The following RICTOR variants were observed in gnomAD, a reference collection of about 807,000 sequenced individuals.
RICTOR encodes the protein rapamycin-insensitive companion of mTOR.
A neutral mutation model predicts 214.9 loss-of-function variants in RICTOR; 49 were observed. The observed-to-expected ratio is 0.23, with a 90% CI of 0.18 to 0.29. The LOEUF is 0.29. Among genes scored for constraint, RICTOR ranks in the 10% least tolerant of loss-of-function variants. The pLI is 1.00. For missense variants in RICTOR, 1,625 were observed against 2,047.0 expected, an observed-to-expected ratio of 0.79 and a Z score of 3.98; for synonymous variants, 717 against 711.3, an observed-to-expected ratio of 1.01 and a Z score of -0.13.
intron 2 of RICTOR, among the ~76,000 whole-genome samples, chr5:39,069,904 C>G (rs534402420): frequency 1.6e-4 from 25 of 152,306 alleles, no homozygotes; most frequent in East Asian, 5.8e-4. Context: ...ACCCACCAGA[C>G]AGTTAATCAT....
rs1216617992 is a variant in RICTOR at position 39,003,581 on chromosome 5, A to G, written c.237T>C (p.Phe79=). 4 of 1,609,360 alleles carry G rather than the reference A, an allele frequency of 2.5e-6. No individual in the cohort carries two copies. The highest frequency in any genetic ancestry group is 3.3e-5 in the Admixed American group (2 of 59,894). The part of the protein sequence containing the change: ...DIGHSEEKLG[F]HYEDIIICLR... ...ACCAAATTATGATATCCTCATAGTG[A>G]AAGCCCAGTTTTTCTTCACTGTGGC... The change falls in exon 4 of 38, where the codon TTT becomes TTC. Residue 79 remains phenylalanine, a synonymous_variant. Coordinates refer to ENST00000357387, the MANE Select transcript of RICTOR (RefSeq NM_152756.5).
In RICTOR at chr5:38,946,217, AG is replaced by A. The variant is rs557727466; in HGVS notation, c.4399+250del. Among the ~76,000 whole-genome samples the A allele has an allele frequency of 2.4e-4, 37 of 152,364 alleles. 1 individual carries two copies. In the East Asian group the frequency reaches 7.1e-3, roughly 29 times the overall value. ...TGTTCATGTGCTACTTTTAAAAAACAGAAACAACTAATTTGGTTTCTATTTC... is the reference window on the plus strand; with the variant it reads ...TGTTCATGTGCTACTTTTAAAAAACAAAACAACTAATTTGGTTTCTATTTC... On this transcript the variant is annotated intron_variant, in intron 33 of 37. Transcript: ENST00000357387.
chr5:38,990,681 T>TAG (rs1752610665), intron 7 of RICTOR, among the ~76,000 whole-genome samples: 1 of 102,974 alleles, frequency 9.7e-6, no homozygotes, highest in Non-Finnish European at 2.0e-5. Flanking sequence ...ATATCAGATA[T>TAG]ATCATATATA....
chr5:38,963,651 CAAGTA>C (rs1288449245), intron 16 of RICTOR, among the ~76,000 whole-genome samples: 1 of 151,842 alleles, frequency 6.6e-6, no homozygotes, highest in Non-Finnish European at 1.5e-5. Context: ...TGCTGACTGG[CAAGTA>C]TTTATCAATA....
chr5:39,035,629 G>C (rs183998307), intron 2 of RICTOR, among the ~76,000 whole-genome samples: 1 of 152,306 alleles, frequency 6.6e-6, no homozygotes, highest in East Asian at 1.9e-4. Flanking sequence ...GTCCTTAAAG[G>C]ACCCGATGGA....
chr5:39,000,654 A>G (rs1753545764), intron 5 of RICTOR, among the ~76,000 whole-genome samples: 2 of 152,002 alleles, frequency 1.3e-5, no homozygotes, highest in Non-Finnish European at 2.9e-5. Context: ...AGGTAAGAAA[A>G]AGATAAAGAT....
chr5:39,036,384 A>G (rs1391825734), intron 2 of RICTOR, among the ~76,000 whole-genome samples: 4 of 152,210 alleles, frequency 2.6e-5, no homozygotes, highest in Non-Finnish European at 5.9e-5. Flanking sequence ...AAAGACCATC[A>G]GGGCTAGGAA....
rs1437049267 is a variant in RICTOR at position 38,990,599 on chromosome 5, T to G, written c.583+350A>C. On this transcript the variant is annotated intron_variant, in intron 7 of 37. Transcript: ENST00000357387. ...TATGATATATACATGATATATACGA[T>G]ATATATGATATATATACGATATATG... Among the ~76,000 whole-genome samples, 40 of 130,412 alleles carry G rather than the reference T, an allele frequency of 3.1e-4. 1 individual carries two copies. The highest frequency in any genetic ancestry group is 1.0e-3 in the African/African-American group (36 of 34,558). The allele number at this position is 130,412 out of a possible 152,430, so 85.6% of individuals were successfully genotyped here.
intron 2 of RICTOR, among the ~76,000 whole-genome samples, chr5:39,063,513 G>A (rs754993992): frequency 6.6e-6 from 1 of 152,106 alleles, no homozygotes; most frequent in African/African-American, 2.4e-5. Flanking sequence ...TCTTACAATT[G>A]TCATTATATC....
At chr5:39,016,087 T>C (rs1224175069) in intron 3 of RICTOR, among the ~76,000 whole-genome samples, 3 of 152,120 alleles carry the variant, frequency 2.0e-5, no homozygotes, top group African/African-American at 4.8e-5. Context: ...ACTCTTAGAA[T>C]AGACAAATTC....
chr5:38,952,090 C>T, intron 30 of RICTOR, 106 bp downstream of exon 30: 2 of 690,322 alleles, frequency 2.9e-6, no homozygotes, highest in South Asian at 3.9e-5. Context: ...AAATAATTAT[C>T]TTAGACAAAA....
rs1165707528 is a variant in RICTOR at position 38,990,772 on chromosome 5, GAT to G, written c.583+175_583+176del. 1.6e-4 allele frequency among the ~76,000 whole-genome samples: 11 copies of G among 69,550 alleles called. 1 individual carries two copies. The highest frequency in any genetic ancestry group is 9.4e-4 in the South Asian group (2 of 2,118). 45.6% of individuals were successfully genotyped at this position (69,550 alleles called of 152,430 possible). A position where few individuals can be genotyped will look rare whatever the true frequency, so the allele number is the denominator to read the frequency against. The stretch of plus-strand genomic sequence containing the variant: ...GATATATGATATATATGAGATATAT[GAT>G]ATATATGAGATATATGAGATATATG... On this transcript the variant is annotated intron_variant, in intron 7 of 37. Transcript: ENST00000357387.
At chr5:38,999,141 G>GT (rs1457158537) in intron 5 of RICTOR, among the ~76,000 whole-genome samples, 1 of 151,208 alleles carries the variant, frequency 6.6e-6, no homozygotes, top group African/African-American at 2.4e-5. Context: ...TAATAAACAG[G>GT]TAAGTAGAAA....
intron 2 of RICTOR, among the ~76,000 whole-genome samples, chr5:39,044,466 T>C (rs1360562056): frequency 2.6e-5 from 4 of 152,114 alleles, no homozygotes; most frequent in Admixed American, 6.5e-5. Flanking sequence ...TACTATCTTA[T>C]GAGTAGTTAT....
At chr5:39,015,060 A>AT (rs941541193) in intron 3 of RICTOR, among the ~76,000 whole-genome samples, 2 of 152,134 alleles carry the variant, frequency 1.3e-5, no homozygotes, top group Non-Finnish European at 2.9e-5. Context: ...AATACTACGT[A>AT]TTTTTTTGTG....
At chr5:39,041,722 T>C (rs1173370106) in intron 2 of RICTOR, among the ~76,000 whole-genome samples, 1 of 152,158 alleles carries the variant, frequency 6.6e-6, no homozygotes, top group Non-Finnish European at 1.5e-5. Flanking sequence ...CTACCAGCTG[T>C]AGTAAGCTTA....
At chr5:39,063,748 A>AAT (rs1438756526) in intron 2 of RICTOR, among the ~76,000 whole-genome samples, 3 of 152,012 alleles carry the variant, frequency 2.0e-5, no homozygotes, top group African/African-American at 4.8e-5. Context: ...GTGATCATAT[A>AAT]ATATATATAT....
chr5:39,027,125 T>G (rs1236513437), intron 2 of RICTOR, among the ~76,000 whole-genome samples: 1 of 152,212 alleles, frequency 6.6e-6, no homozygotes, highest in African/African-American at 2.4e-5. Context: ...TTCTTGACAT[T>G]ACACTGCCTT....
At chr5:39,026,101 C>G (rs1314295746) in intron 2 of RICTOR, among the ~76,000 whole-genome samples, 1 of 152,162 alleles carries the variant, frequency 6.6e-6, no homozygotes, top group Non-Finnish European at 1.5e-5. Context: ...GATAACAGCA[C>G]TACGTGAAAA....
Sources: allele counts gnomAD v4.1 joint callset (sites outside exome capture counted in the v4.1 genomes callset), GRCh38; gene constraint gnomAD v4.1.1; transcripts MANE v1.5; gene names NCBI Gene and HGNC (gene_info 2026-07-23, HGNC 2026-07-21).